The following TMEM156 variants were observed in gnomAD, a reference collection of about 807,000 sequenced individuals.
TMEM156 encodes the protein transmembrane protein 156.
TMEM156 carries 28 observed loss-of-function variants against 30.5 expected under a neutral mutation model. The observed-to-expected ratio is 0.92, with a 90% CI of 0.68 to 1.26. The LOEUF is 1.26. Among genes scored for constraint, TMEM156 ranks in the 50% most tolerant of loss-of-function variants. The pLI is 0.00. For missense variants in TMEM156, 351 were observed against 340.6 expected, an observed-to-expected ratio of 1.03 and a Z score of -0.24; for synonymous variants, 137 against 119.9, an observed-to-expected ratio of 1.14 and a Z score of -0.93.
At chr4:38,970,901 A>G in intron 6 of TMEM156, 131 bp downstream of exon 6, 1 of 583,808 alleles carries the variant, frequency 1.7e-6, no homozygotes. Context: ...TCTAATTCAT[A>G]TGAACTGACT....
At chr4:39,031,004 C>A (rs1715475092) in intron 1 of TMEM156, among the ~76,000 whole-genome samples, 1 of 152,170 alleles carries the variant, frequency 6.6e-6, no homozygotes, top group African/African-American at 2.4e-5. Context: ...CATGTAAATG[C>A]AACATCAAAT....
intron 2 of TMEM156, among the ~76,000 whole-genome samples, chr4:38,994,763 C>T (rs879829802): frequency 1.1e-4 from 17 of 152,100 alleles, no homozygotes; most frequent in Non-Finnish European, 2.4e-4. Flanking sequence ...GCCTGGCCAA[C>T]ATGGCAAAAT....
chr4:39,014,911 T>A, intron 1 of TMEM156, among the ~76,000 whole-genome samples: 1 of 152,222 alleles, frequency 6.6e-6, no homozygotes, highest in East Asian at 1.9e-4. Context: ...CTTGAAAGTT[T>A]GGCAGGAATT....
chr4:39,015,201 T>G (rs1714398410), intron 1 of TMEM156, among the ~76,000 whole-genome samples: 1 of 152,202 alleles, frequency 6.6e-6, no homozygotes, highest in South Asian at 2.1e-4. Flanking sequence ...TATTATTCAG[T>G]TTTGGCAGGC....
At chr4:38,972,432 G>A (rs1722647694) in intron 5 of TMEM156, among the ~76,000 whole-genome samples, 1 of 149,702 alleles carries the variant, frequency 6.7e-6, no homozygotes, top group Admixed American at 6.6e-5. Flanking sequence ...TGTATTTTTA[G>A]TAGAGACGGG....
chr4:39,015,535 C>T (rs1444525270), intron 1 of TMEM156, among the ~76,000 whole-genome samples: 1 of 152,204 alleles, frequency 6.6e-6, no homozygotes, highest in African/African-American at 2.4e-5. Flanking sequence ...AGTCTAGAGC[C>T]TCCAAAAGGA....
rs190369245 is a variant in TMEM156, at chr4:38,996,753, T to A, written c.358+1887A>T. On this transcript the variant is annotated intron_variant, in intron 2 of 6. Coordinates refer to ENST00000381938, the MANE Select transcript of TMEM156 (RefSeq NM_024943.3). Reference sequence around the variant, plus strand: ...TCCAGCAATTCTACCTCTTGGTATGTAGCCAAAAGAACTGAAATCAGCATC... The same window carrying A: ...TCCAGCAATTCTACCTCTTGGTATGAAGCCAAAAGAACTGAAATCAGCATC... Among the ~76,000 whole-genome samples the A allele has an allele frequency of 1.9e-3, 285 of 152,334 alleles. 1 individual carries two copies. Among genetic ancestry groups the A allele is most frequent in the Middle Eastern group, 3.4e-3 (1 of 294 alleles).
intron 6 of TMEM156, among the ~76,000 whole-genome samples, chr4:38,968,206 T>A (rs1722434058): frequency 6.6e-6 from 1 of 152,262 alleles, no homozygotes. Flanking sequence ...TGGTTTATTT[T>A]CTATATCTAT....
At chr4:38,983,961 C>T (rs1018352399) in intron 5 of TMEM156, among the ~76,000 whole-genome samples, 1 of 152,094 alleles carries the variant, frequency 6.6e-6, no homozygotes, top group African/African-American at 2.4e-5. Flanking sequence ...TTTTATAGTG[C>T]CAGATATTAT....
In TMEM156 at chr4:38,993,817, C is replaced by A. The variant is rs368399518; in HGVS notation, c.540G>T (p.Ser180=). 1.9e-5 allele frequency: 31 copies of A among 1,613,802 alleles called. No individual in the cohort carries two copies. The highest frequency in any genetic ancestry group is 2.7e-5 in the African/African-American group (2 of 74,882). Residue 180 remains serine, a synonymous_variant, in exon 3 of 7, where the codon TCG becomes TCT. Transcript: ENST00000381938. ...IMEDEPSKEK[S]INYTCRIMEY... ...CCATGATTCTACAAGTGTAGTTTAT[C>A]GATTTCTCCTTGCTTGGCTCATCCT...
rs113142622 is a variant in TMEM156, at chr4:39,008,098, A to G, written c.89-9189T>C. ...TTATAACTTTATTTCTTACTTTCCA[A>G]TCTTCATACTTTTTATTTCTTATAC... On this transcript the variant is annotated intron_variant, in intron 1 of 6. Transcript: ENST00000381938. Among the ~76,000 whole-genome samples, 104 of 152,198 alleles carry G rather than the reference A, an allele frequency of 6.8e-4. 1 individual carries two copies. Among genetic ancestry groups the G allele is most frequent in the African/African-American group, 2.5e-3 (103 of 41,556 alleles).
intron 3 of TMEM156, among the ~76,000 whole-genome samples, chr4:38,993,233 C>T (rs1712669748): frequency 1.3e-5 from 2 of 151,948 alleles, no homozygotes; most frequent in Non-Finnish European, 2.9e-5. Context: ...AGTTCAAGAC[C>T]AGCCTGGGCA....
chr4:39,014,711 T>C (rs898729090), intron 1 of TMEM156, among the ~76,000 whole-genome samples: 3 of 148,920 alleles, frequency 2.0e-5, no homozygotes, highest in Admixed American at 6.8e-5. Context: ...TGAGCGGAGA[T>C]TGTACCATTG....
At chr4:38,986,274 G>T in intron 5 of TMEM156, 62 bp downstream of exon 5, 1 of 1,173,342 alleles carries the variant, frequency 8.5e-7, no homozygotes, top group Non-Finnish European at 1.3e-6. Flanking sequence ...TTACTGTGTA[G>T]TGAAACCATG....
chr4:39,002,792 C>G (rs1252507554), intron 1 of TMEM156, among the ~76,000 whole-genome samples: 1 of 150,792 alleles, frequency 6.6e-6, no homozygotes, highest in Admixed American at 6.6e-5. Flanking sequence ...GAACAAAAAA[C>G]CAAACACCGC....
At chr4:38,975,951 C>T (rs528192882) in intron 5 of TMEM156, among the ~76,000 whole-genome samples, 6 of 152,086 alleles carry the variant, frequency 3.9e-5, no homozygotes, top group African/African-American at 1.2e-4. Flanking sequence ...AAAAGAGAAA[C>T]GGCCCTTCCT....
rs533350049 is a variant in TMEM156 at position 38,997,159 on chromosome 4, C to A, written c.358+1481G>T. ...ATCTGTGAGCTACCAACCCTTAAAA[C>A]ACTTCCTAGTTCTCTGTCATCATAG... On this transcript the variant is annotated intron_variant, in intron 2 of 6. Coordinates refer to ENST00000381938, the MANE Select transcript of TMEM156 (RefSeq NM_024943.3). Among the ~76,000 whole-genome samples the A allele has an allele frequency of 7.0e-4, 107 of 152,346 alleles. 2 individuals are homozygous for A. The highest frequency in any genetic ancestry group is 2.5e-4 in the Non-Finnish European group (17 of 68,042).
At chr4:39,019,540 A>G (rs1367074010) in intron 1 of TMEM156, among the ~76,000 whole-genome samples, 1 of 151,630 alleles carries the variant, frequency 6.6e-6, no homozygotes, top group Non-Finnish European at 1.5e-5. Flanking sequence ...GGAATAAACG[A>G]CTCTGTTTGT....
intron 1 of TMEM156, among the ~76,000 whole-genome samples, chr4:39,025,564 A>G (rs1715152804): frequency 6.6e-6 from 1 of 152,100 alleles, no homozygotes. Flanking sequence ...TATTCATAGG[A>G]TATTTGGGAA....
Sources: allele counts gnomAD v4.1 joint callset (sites outside exome capture counted in the v4.1 genomes callset), GRCh38; gene constraint gnomAD v4.1.1; transcripts MANE v1.5; gene names NCBI Gene and HGNC (gene_info 2026-07-23, HGNC 2026-07-21).